CKAP4: variants seen among roughly 807,000 people sequenced by gnomAD.
CKAP4 encodes the protein cytoskeleton associated protein 4.
Under a neutral mutation model 24.4 loss-of-function variants are expected in CKAP4, and 20 were observed. That is an observed-to-expected ratio of 0.82 (90% CI 0.58 to 1.19). The LOEUF is 1.19. Ranked by LOEUF, CKAP4 falls within the 50% of genes most tolerant of loss-of-function variation. CKAP4 has a pLI of 0.00. For synonymous variants in CKAP4, 378 were observed against 351.7 expected, an observed-to-expected ratio of 1.07 and a Z score of -0.84; for missense variants, 744 against 765.3, an observed-to-expected ratio of 0.97 and a Z score of 0.33.
Position 106,239,530 on chromosome 12 carries a change from C to G in CKAP4, c.1303G>C (p.Glu435Gln), listed in dbSNP as rs1209655045. The G allele has an allele frequency of 6.2e-7, 1 of 1,610,470 alleles. No individual in the cohort carries two copies. ...VASARQTESLESLLSKSQEHE... is the reference protein window; with the variant it reads ...VASARQTESLQSLLSKSQEHE... The stretch of plus-strand genomic sequence containing the variant: ...TCCTGGCTCTTGGACAGGAGGGACT[C>G]CAGGCTCTCGGTCTGGCGCGCAGAA... Residue 435 changes from glutamate to glutamine, a missense_variant, in exon 2 of 2, where the codon GAG becomes CAG. Physicochemically the swap from Glu to Gln is conservative, Grantham distance 29 (BLOSUM62 2). This residue lies in a region of CKAP4 where 401 missense variants were observed against 424.5 expected (regional missense o/e 0.94). Coordinates refer to ENST00000378026, the MANE Select transcript of CKAP4 (RefSeq NM_006825.4). The surrounding 1 kb of genome is among the most constrained non-coding windows in gnomAD (Gnocchi z 4.9).
intron 1 of CKAP4, among the ~76,000 whole-genome samples, chr12:106,241,052 C>T (rs1451179316): frequency 6.6e-6 from 1 of 152,020 alleles, no homozygotes; most frequent in Non-Finnish European, 1.5e-5. Flanking sequence ...TGCCTTGAGC[C>T]TGGGCAACAG....
At chr12:106,242,045 A>G (rs893716947) in intron 1 of CKAP4, among the ~76,000 whole-genome samples, 1 of 152,234 alleles carries the variant, frequency 6.6e-6, no homozygotes, top group Non-Finnish European at 1.5e-5. Context: ...AAAATAAAAC[A>G]GCACGGTCTC....
Position 106,240,294 on chromosome 12 carries a change from T to C in CKAP4, c.539A>G (p.Gln180Arg), listed in dbSNP as rs2033959176. ...GTFESILRSS[Q>R]HKQDLTEKAV... ...TTTCTCTGTGAGGTCTTGTTTATGT[T>C]GGGAGCTTCTCAAGATGGACTCAAA... The change falls in exon 2 of 2, where the codon CAA (glutamine) becomes CGA (arginine). Residue 180 changes from glutamine (Q) to arginine (R), a missense_variant. Gln to Arg is a conservative substitution (Grantham distance 43). This residue lies in a region of CKAP4 where 300 missense variants were observed against 264.5 expected (regional missense o/e 1.13). Transcript: ENST00000378026. 1 of 1,614,076 alleles carries C rather than the reference T, an allele frequency of 6.2e-7. No homozygotes were observed. The highest frequency in any genetic ancestry group is 1.3e-5 in the African/African-American group (1 of 74,940).
Position 106,247,574 on chromosome 12 carries a change from G to A in CKAP4, c.278C>T (p.Ala93Val), listed in dbSNP as rs2034024454. Residue 93 changes from alanine (A) to valine (V), a missense_variant, in exon 1 of 2, where the codon GCC becomes GTC. Ala to Val is a moderately conservative substitution (Grantham distance 64). Around this residue, in one of 3 missense-constraint regions of CKAP4, gnomAD observed 300 missense variants for 264.5 expected, o/e 1.13. Transcript: ENST00000378026. This position sits in a 1 kb window ranked among gnomAD's most constrained non-coding sequence, Gnocchi z 4.5. ...CGAGCAGGACGCCGAGGACGAGGCGGCGGCGGCGGCAGCGGCGGCGGAGGC... is the reference window on the plus strand; with the variant it reads ...CGAGCAGGACGCCGAGGACGAGGCGACGGCGGCGGCAGCGGCGGCGGAGGC... ...SSASAAAAAA[A>V]ASSSASCSRR... 4.2e-6 allele frequency: 6 copies of A among 1,425,554 alleles called. No homozygotes were observed. Among genetic ancestry groups the A allele is most frequent in the Non-Finnish European group, 4.6e-6 (5 of 1,089,548 alleles). The allele number at this position is 1,425,554 out of a possible 1,614,324, so 88.3% of individuals were successfully genotyped here.
chr12:106,246,283 T>C (rs2034009284), intron 1 of CKAP4, among the ~76,000 whole-genome samples: 1 of 152,202 alleles, frequency 6.6e-6, no homozygotes. Context: ...TAAACCTCAA[T>C]GTTCTGCTCT....
Position 106,239,877 on chromosome 12 carries a change from G to T in CKAP4, c.956C>A (p.Ser319Tyr). Residue 319 changes from serine to tyrosine, a missense_variant, in exon 2 of 2, where the codon TCT becomes TAT. This residue lies in a region of CKAP4 where 401 missense variants were observed against 424.5 expected (regional missense o/e 0.94). Transcript: ENST00000378026. The surrounding 1 kb of genome is among the most constrained non-coding windows in gnomAD (Gnocchi z 4.9). Reference protein sequence around the residue: ...ALRSTLQTMESDIYTEVRELV... With the variant: ...ALRSTLQTMEYDIYTEVRELV... ...CTCGCGGACCTCGGTGTAGATGTCAGACTCCATAGTCTGAAGGGTACTTCT... is the reference window on the plus strand; with the variant it reads ...CTCGCGGACCTCGGTGTAGATGTCATACTCCATAGTCTGAAGGGTACTTCT... 1 of 1,614,006 alleles carries T rather than the reference G, an allele frequency of 6.2e-7. No individual in the cohort carries two copies.
Position 106,238,716 on chromosome 12 carries a change from T to C in CKAP4, c.*308A>G. On this transcript the variant is annotated 3_prime_UTR_variant, in exon 2 of 2. Transcript: ENST00000378026. Reference sequence around the variant, plus strand: ...AGCCAGACAGGATTTCTGAGGTTAATCTGCTTCTGTTAATCCTCAATTTAA... The same window carrying C: ...AGCCAGACAGGATTTCTGAGGTTAACCTGCTTCTGTTAATCCTCAATTTAA... 4.3e-6 allele frequency: 1 copy of C among 232,688 alleles called. No individual in the cohort carries two copies. Among genetic ancestry groups the C allele is most frequent in the Non-Finnish European group, 8.3e-6 (1 of 121,094 alleles). The allele number at this position is 232,688 out of a possible 1,614,324, so 14.4% of individuals were successfully genotyped here.
chr12:106,238,101 G>A lies in CKAP4; in HGVS notation c.*923C>T, dbSNP rs1388499238. ...TACAGCAAACAATTACACAAACGCA[G>A]TATGCACGCTCCTTGCCGACAGGGC... On this transcript the variant is annotated 3_prime_UTR_variant, in exon 2 of 2. Transcript: ENST00000378026. 7.0e-6 allele frequency: 1 copy of A among 141,938 alleles called. No individual in the cohort carries two copies. The highest frequency in any genetic ancestry group is 1.5e-5 in the Non-Finnish European group (1 of 66,672). The allele number at this position is 141,938 out of a possible 1,614,324, so 8.8% of individuals were successfully genotyped here.
chr12:106,244,759 C>T (rs570876104), intron 1 of CKAP4, among the ~76,000 whole-genome samples: 1 of 152,284 alleles, frequency 6.6e-6, no homozygotes, highest in South Asian at 2.1e-4. Flanking sequence ...CACTACGCTC[C>T]AGCCTGGTGA....
At position 106,247,819 on chromosome 12, in the gene CKAP4, G is replaced by A. The variant is rs1174104158; in HGVS notation, c.33C>T (p.Gly11=). MPSAKQRGSK[G]GHGAASPSEK... ...CCGAGGGGCTCGCGGCGCCGTGGCC[G>A]CCCTTGGAGCCCCTTTGTTTGGCCG... The change falls in exon 1 of 2, where the codon GGC becomes GGT. Residue 11 remains glycine, a synonymous_variant. Transcript: ENST00000378026. This position sits in a 1 kb window ranked among gnomAD's most constrained non-coding sequence, Gnocchi z 4.5. 4.8e-6 allele frequency: 5 copies of A among 1,048,844 alleles called. No homozygotes were observed. The highest frequency in any genetic ancestry group is 5.7e-6 in the Non-Finnish European group (5 of 874,668). 65.0% of individuals were successfully genotyped at this position (1,048,844 alleles called of 1,614,324 possible).
intron 1 of CKAP4, among the ~76,000 whole-genome samples, chr12:106,240,972 C>T (rs1444704520): frequency 6.6e-6 from 1 of 152,120 alleles, no homozygotes; most frequent in Non-Finnish European, 1.5e-5. Flanking sequence ...TTGAGCTGGG[C>T]CTGGTGGTGT....
At chr12:106,240,440 G>T in intron 1 of CKAP4, 91 bp from the exon 2 acceptor site, 10 of 1,406,570 alleles carry the variant, frequency 7.1e-6, no homozygotes, top group Non-Finnish European at 9.6e-6. Context: ...TCCAGGTCCT[G>T]TTTTTTTCCA....
chr12:106,241,644 C>T (rs925611348), intron 1 of CKAP4, among the ~76,000 whole-genome samples: 2 of 152,118 alleles, frequency 1.3e-5, no homozygotes, highest in Non-Finnish European at 2.9e-5. Flanking sequence ...CATTTTAAAA[C>T]TAATTCCTAA....
Position 106,239,188 on chromosome 12 carries a change from C to T in CKAP4, c.1645G>A (p.Asp549Asn). ...ACAGCAGTCCTGAGCATTTTCAAGT[C>T]CGCCTCCACTTGGCTGACTGAGGCT... ...LKASVSQVEA[D>N]LKMLRTAVDS... The change falls in exon 2 of 2, where the codon GAC becomes AAC. Residue 549 changes from aspartate to asparagine, a missense_variant. Coordinates refer to ENST00000378026, the MANE Select transcript of CKAP4 (RefSeq NM_006825.4). This position sits in a 1 kb window ranked among gnomAD's most constrained non-coding sequence, Gnocchi z 4.9. The T allele has an allele frequency of 6.2e-7, 1 of 1,614,186 alleles. No individual in the cohort carries two copies. The highest frequency in any genetic ancestry group is 8.5e-7 in the Non-Finnish European group (1 of 1,180,040).
intron 1 of CKAP4, among the ~76,000 whole-genome samples, chr12:106,246,339 T>A (rs778253467): frequency 6.6e-6 from 1 of 152,206 alleles, no homozygotes; most frequent in Admixed American, 6.5e-5. Context: ...AGGGTAGTTA[T>A]AAGAATTAGA....
chr12:106,239,301 T>C lies in CKAP4; in HGVS notation c.1532A>G (p.His511Arg), dbSNP rs766741048. Residue 511 changes from histidine to arginine, a missense_variant, in exon 2 of 2, where the codon CAC (histidine) becomes CGC (arginine). Transcript: ENST00000378026. The surrounding 1 kb of genome is among the most constrained non-coding windows in gnomAD (Gnocchi z 4.9). ...ESLQKVQEQV[H>R]TLLSQDQAQA... Reference sequence around the variant, plus strand: ...GGCTTGGTCCTGACTGAGCAGCGTGTGCACCTGCTCCTGCACCTTCTGGAG... The same window carrying C: ...GGCTTGGTCCTGACTGAGCAGCGTGCGCACCTGCTCCTGCACCTTCTGGAG... 1 of 1,611,346 alleles carries C rather than the reference T, an allele frequency of 6.2e-7. No individual in the cohort carries two copies. Among genetic ancestry groups the C allele is most frequent in the Admixed American group, 1.7e-5 (1 of 60,026 alleles).
Position 106,247,391 on chromosome 12 carries a change from C to T in CKAP4, c.461G>A (p.Gly154Asp). Residue 154 changes from glycine (G) to aspartate (D), a missense_variant, in exon 1 of 2, where the codon GGC (glycine) becomes GAC (aspartate). Physicochemically the swap from Gly to Asp is moderately conservative, Grantham distance 94. This residue lies in a region of CKAP4 where 300 missense variants were observed against 264.5 expected (regional missense o/e 1.13). Transcript: ENST00000378026. This position sits in a 1 kb window ranked among gnomAD's most constrained non-coding sequence, Gnocchi z 4.5. ...CACCTTCTGCTCGACGCCCTGCAAGCCCTGGCCCAGCTCCTCCCTCTGCCG... is the reference window on the plus strand; with the variant it reads ...CACCTTCTGCTCGACGCCCTGCAAGTCCTGGCCCAGCTCCTCCCTCTGCCG... ...FSRQREELGQ[G>D]LQGVEQKVQS... 5.2e-6 allele frequency: 8 copies of T among 1,539,952 alleles called. 1 individual carries two copies. The highest frequency in any genetic ancestry group is 7.0e-6 in the Non-Finnish European group (8 of 1,146,234).
In CKAP4 at chr12:106,238,153, ACAT is replaced by A. The variant is rs534289542; in HGVS notation, c.*868_*870del. ...GCCCAGACGGCAAACCTCTTCATGG[ACAT>A]CATGTTAAAATAAAAGGACTTGGCC... is the stretch of plus-strand genomic sequence containing the variant. On this transcript the variant is annotated 3_prime_UTR_variant, in exon 2 of 2. Coordinates refer to ENST00000378026, the MANE Select transcript of CKAP4 (RefSeq NM_006825.4). 1,128 of 152,540 alleles carry A rather than the reference ACAT, an allele frequency of 7.4e-3. 14 individuals carry two copies. The highest frequency in any genetic ancestry group is 0.026 in the South Asian group (126 of 4,820). The allele number at this position is 152,540 out of a possible 1,614,324, so 9.4% of individuals were successfully genotyped here. A position where few individuals can be genotyped will look rare whatever the true frequency, so the allele number is the denominator to read the frequency against.
At position 106,247,253 on chromosome 12, in the gene CKAP4, C is replaced by T; in HGVS notation, c.483+116G>A. ...CCCGCCAAGGAGGAGCGGCCGGCTC[C>T]CGCCTCCGGGCCTGGGCAGGCAGCG... On this transcript the variant is annotated intron_variant, in intron 1 of 1. Transcript: ENST00000378026. The surrounding 1 kb of genome is among the most constrained non-coding windows in gnomAD (Gnocchi z 4.5). 2.1e-6 allele frequency: 2 copies of T among 944,250 alleles called. No homozygotes were observed. The highest frequency in any genetic ancestry group is 3.2e-5 in the East Asian group (1 of 31,086). 58.5% of individuals were successfully genotyped at this position (944,250 alleles called of 1,614,324 possible). A position where few individuals can be genotyped will look rare whatever the true frequency, so the allele number is the denominator to read the frequency against.
Sources: allele counts gnomAD v4.1 joint callset (sites outside exome capture counted in the v4.1 genomes callset), GRCh38; gene constraint gnomAD v4.1.1; regional missense constraint gnomAD v4.1.1; non-coding constraint Gnocchi (gnomAD v3.1); transcripts MANE v1.5; gene names NCBI Gene and HGNC (gene_info 2026-07-23, HGNC 2026-07-21).